Variants in CSNK1D observed in about 807,000 individuals in gnomAD.
The protein encoded by CSNK1D is casein kinase 1 delta, also known as casein kinase I isoform delta.
A neutral mutation model predicts 46.6 loss-of-function variants in CSNK1D; 16 were observed. The observed-to-expected ratio is 0.34, with a 90% confidence interval of 0.23 to 0.52. The LOEUF (loss-of-function observed/expected upper bound fraction) is 0.52. Among genes scored for constraint, CSNK1D ranks in the 20% least tolerant of loss-of-function variants. The probability of loss-of-function intolerance (pLI) is 0.95; values close to 1 mark genes in which losing one functional copy is unlikely to be tolerated. For synonymous variants in CSNK1D, 276 were observed against 228.2 expected (o/e 1.21, Z -1.89); for missense variants, 398 against 578.4 (o/e 0.69, Z 3.20).
At chr17:82,260,471 GTGATGTGACTGATGGTGTACTGAC>G (rs1568575129) in intron 2 of CSNK1D, among the ~76,000 whole-genome samples, 10 of 146,020 alleles carry the variant, frequency 6.8e-5, no homozygotes, top group South Asian at 2.2e-4. Flanking sequence ...GGTGTACTGA[GTGATGTGACTGATGGTGTACTGAC>G]TGATGTGACT....
intron 2 of CSNK1D, chr17:82,265,323 T>C (rs1036962577): frequency 8.7e-6 from 3 of 345,572 alleles, no homozygotes; most frequent in Non-Finnish European, 1.7e-5. Context: ...GGATTACAGG[T>C]GCACGCCATC....
chr17:82,250,340 G>T lies in CSNK1D; in HGVS notation c.886-738C>A. The T allele has an allele frequency of 1.8e-6, 1 of 558,226 alleles. No homozygotes were observed. Among genetic ancestry groups the T allele is most frequent in the Non-Finnish European group, 3.0e-6 (1 of 337,708 alleles). 34.6% of individuals were successfully genotyped at this position (558,226 alleles called of 1,614,324 possible). On this transcript the variant is annotated intron_variant, in intron 6 of 8. Coordinates refer to ENST00000314028, the MANE Select transcript of CSNK1D (RefSeq NM_001893.6). The surrounding 1 kb of genome is among the most constrained non-coding windows in gnomAD (Gnocchi z 4.6). ...ACAGACCGACACACCTGCGGCTGCA[G>T]CACCGTGCGGCCAGCACCGCCCAGA...
downstream of CSNK1D, among the ~76,000 whole-genome samples, chr17:82,241,628 C>A (rs2050742944): frequency 6.6e-6 from 1 of 152,208 alleles, no homozygotes; most frequent in African/African-American, 2.4e-5. Flanking sequence ...GTGAGCGGGG[C>A]AGGGGCTGAG....
In CSNK1D at chr17:82,244,041, C is replaced by T. The variant is rs1031363139; in HGVS notation, c.*740G>A. On this transcript the variant is annotated 3_prime_UTR_variant, in exon 9 of 9. Coordinates refer to ENST00000314028, the MANE Select transcript of CSNK1D (RefSeq NM_001893.6). The stretch of plus-strand genomic sequence containing the variant: ...CAGCCTGCGGTCCCTAACTGCTCTC[C>T]GAGGGCCTCAAGAGTTCCTGACAGC... 1.7e-5 allele frequency: 17 copies of T among 988,452 alleles called. No homozygotes were observed. In the African/African-American group the frequency reaches 1.9e-4, roughly 11 times the overall value. The allele number at this position is 988,452 out of a possible 1,614,324, so 61.2% of individuals were successfully genotyped here. A position where few individuals can be genotyped will look rare whatever the true frequency, so the allele number is the denominator to read the frequency against.
At chr17:82,242,500 G>A (rs538239289), downstream of CSNK1D, among the ~76,000 whole-genome samples, 19 of 104,210 alleles carry the variant, frequency 1.8e-4, no homozygotes, top group Admixed American at 1.0e-3. Flanking sequence ...CTCCCTGCCC[G>A]GCAGCAGGCC....
intron 2 of CSNK1D, among the ~76,000 whole-genome samples, chr17:82,256,393 G>T (rs976623298): frequency 1.3e-5 from 2 of 151,878 alleles, no homozygotes; most frequent in African/African-American, 4.8e-5. Context: ...CGCTTCTGTG[G>T]TCCCAGCTAC....
chr17:82,240,177 T>A, downstream of CSNK1D: 1 of 820,020 alleles, frequency 1.2e-6, no homozygotes, highest in Non-Finnish European at 1.6e-6. Context: ...GCCTGCAGCC[T>A]CAGGGCTGTG....
At chr17:82,263,021 A>G (rs528592015) in intron 2 of CSNK1D, among the ~76,000 whole-genome samples, 2 of 152,146 alleles carry the variant, frequency 1.3e-5, no homozygotes, top group African/African-American at 4.8e-5. Context: ...CTCTACTAAA[A>G]ATACAAAAAT....
chr17:82,251,376 T>C lies in CSNK1D; in HGVS notation c.885+3A>G, dbSNP rs371325341. 2.6e-5 allele frequency: 42 copies of C among 1,613,882 alleles called. No homozygotes were observed. Among genetic ancestry groups the C allele is most frequent in the Admixed American group, 1.3e-4 (8 of 59,996 alleles). On this transcript the variant is annotated splice_donor_region_variant and intron_variant, in intron 6 of 8. Transcript: ENST00000314028. The surrounding 1 kb of genome is among the most constrained non-coding windows in gnomAD (Gnocchi z 4.5). ...CAGCGAACGTGCTGGCAGTGCGACT[T>C]ACAAATTTGAGCATGTTCCAGTCGA...
chr17:82,242,113 C>G (rs1235768584), downstream of CSNK1D, among the ~76,000 whole-genome samples: 1 of 152,022 alleles, frequency 6.6e-6, no homozygotes, highest in Non-Finnish European at 1.5e-5. Flanking sequence ...GCTGAGCTCA[C>G]CCACACACGA....
downstream of CSNK1D, among the ~76,000 whole-genome samples, chr17:82,242,418 CAG>C (rs972128445): frequency 2.0e-5 from 3 of 152,162 alleles, no homozygotes; most frequent in Non-Finnish European, 4.4e-5. Context: ...AACCGTCACA[CAG>C]AAAGTGCGTG....
At position 82,251,563 on chromosome 17, in the gene CSNK1D, C is replaced by T. The variant is rs755688155; in HGVS notation, c.737-36G>A. On this transcript the variant is annotated intron_variant, in intron 5 of 8. Coordinates refer to ENST00000314028, the MANE Select transcript of CSNK1D (RefSeq NM_001893.6). The surrounding 1 kb of genome is among the most constrained non-coding windows in gnomAD (Gnocchi z 4.5). ...AGAAACTCAAAGCTAACTCATGAAA[C>T]CCAACTGCGACTCAAGGTGTCTCTG... is the stretch of plus-strand genomic sequence containing the variant. 6.2e-7 allele frequency: 1 copy of T among 1,611,998 alleles called. No homozygotes were observed. The highest frequency in any genetic ancestry group is 1.3e-5 in the African/African-American group (1 of 75,006).
intron 2 of CSNK1D, chr17:82,261,172 C>T (rs144664683): frequency 1.3e-5 from 2 of 154,990 alleles, no homozygotes; most frequent in Non-Finnish European, 2.9e-5. Flanking sequence ...ATGCTCTTGC[C>T]TCTCAATGCA....
intron 3 of CSNK1D, 115 bp from the exon 4 acceptor site, chr17:82,253,359 G>A (rs142913238): frequency 2.2e-6 from 2 of 908,010 alleles, no homozygotes; most frequent in Non-Finnish European, 3.7e-6. Flanking sequence ...AGCCACAGCA[G>A]GGTAGTTTAA....
At position 82,252,328 on chromosome 17, in the gene CSNK1D, G is replaced by C; in HGVS notation, c.736+106C>G. On this transcript the variant is annotated intron_variant, in intron 5 of 8. Coordinates refer to ENST00000314028, the MANE Select transcript of CSNK1D (RefSeq NM_001893.6). The surrounding 1 kb of genome is among the most constrained non-coding windows in gnomAD (Gnocchi z 4.6). Reference sequence around the variant, plus strand: ...TTTCCTGCCACCACCCCTTTGGAAGGTGAGCAACTCTTCTGACAAAACCCA... The same window carrying C: ...TTTCCTGCCACCACCCCTTTGGAAGCTGAGCAACTCTTCTGACAAAACCCA... 1 of 1,323,972 alleles carries C rather than the reference G, an allele frequency of 7.6e-7. No homozygotes were observed. The highest frequency in any genetic ancestry group is 1.7e-5 in the Admixed American group (1 of 59,590). The allele number at this position is 1,323,972 out of a possible 1,614,324, so 82.0% of individuals were successfully genotyped here.
rs2051149497 is a variant in CSNK1D, at chr17:82,255,310, C to T, written c.336+119G>A. On this transcript the variant is annotated intron_variant, in intron 3 of 8. Coordinates refer to ENST00000314028, the MANE Select transcript of CSNK1D (RefSeq NM_001893.6). The surrounding 1 kb of genome is among the most constrained non-coding windows in gnomAD (Gnocchi z 5.9). ...CCACTGCAGCCTCAAGGCTGAGGCT[C>T]AGCAAATTTCCATTTCCTCTGTGAA... 4 of 1,269,988 alleles carry T rather than the reference C, an allele frequency of 3.1e-6. No individual in the cohort carries two copies. Among genetic ancestry groups the T allele is most frequent in the Non-Finnish European group, 4.6e-6 (4 of 877,044 alleles). 78.7% of individuals were successfully genotyped at this position (1,269,988 alleles called of 1,614,324 possible). A position where few individuals can be genotyped will look rare whatever the true frequency, so the allele number is the denominator to read the frequency against.
At chr17:82,247,609 C>T in intron 8 of CSNK1D, 1 of 985,470 alleles carries the variant, frequency 1.0e-6, no homozygotes, top group Non-Finnish European at 1.2e-6. Context: ...AGGGCACGGG[C>T]AGACCCTCCC....
In CSNK1D at chr17:82,243,821, A is replaced by T; in HGVS notation, c.*960T>A. On this transcript the variant is annotated 3_prime_UTR_variant, in exon 9 of 9. Transcript: ENST00000314028. ...AAGGCAGCAAGGCAACAAACACTACAGTAACCACCTCTCGGTTCACAGTCC... is the reference window on the plus strand; with the variant it reads ...AAGGCAGCAAGGCAACAAACACTACTGTAACCACCTCTCGGTTCACAGTCC... 1 of 985,550 alleles carries T rather than the reference A, an allele frequency of 1.0e-6. No homozygotes were observed. The highest frequency in any genetic ancestry group is 1.2e-6 in the Non-Finnish European group (1 of 829,996). The allele number at this position is 985,550 out of a possible 1,614,324, so 61.1% of individuals were successfully genotyped here. A position where few individuals can be genotyped will look rare whatever the true frequency, so the allele number is the denominator to read the frequency against.
intron 2 of CSNK1D, among the ~76,000 whole-genome samples, chr17:82,257,648 A>T (rs760737318): frequency 1.3e-5 from 2 of 152,018 alleles, no homozygotes; most frequent in African/African-American, 4.8e-5. Context: ...GAGCCGTGAG[A>T]GGGCGCCCTG....
Sources: allele counts gnomAD v4.1 joint callset (sites outside exome capture counted in the v4.1 genomes callset), GRCh38; gene constraint gnomAD v4.1.1; non-coding constraint Gnocchi (gnomAD v3.1); transcripts MANE v1.5; gene names NCBI Gene and HGNC (gene_info 2026-07-23, HGNC 2026-07-21).